PTH2R: variants seen among roughly 807,000 people sequenced by gnomAD.
PTH2R encodes the protein PTH2 receptor.
A neutral mutation model predicts 60.3 loss-of-function variants in PTH2R; 59 were observed. The ratio of observed to expected loss-of-function variants is 0.98; its 90% confidence interval spans 0.79 to 1.22. The LOEUF is 1.22. PTH2R is among the 50% of genes most tolerant of loss of function. The probability of loss-of-function intolerance (pLI) is 0.00; values close to 1 mark genes in which losing one functional copy is unlikely to be tolerated. For missense variants in PTH2R, 749 were observed against 682.6 expected, an observed-to-expected ratio of 1.10 and a Z score of -1.08; for synonymous variants, 256 against 243.8, an observed-to-expected ratio of 1.05 and a Z score of -0.47.
At chr2:208,377,450 G>C (rs1431579045) in intron 1 of PTH2R, among the ~76,000 whole-genome samples, 1 of 127,346 alleles carries the variant, frequency 7.9e-6, no homozygotes, top group Non-Finnish European at 1.8e-5. Context: ...AGGGGCGGCC[G>C]GGCAGAGGTG....
intron 8 of PTH2R, among the ~76,000 whole-genome samples, chr2:208,456,404 G>A (rs1702515723): frequency 6.6e-6 from 1 of 152,188 alleles, no homozygotes. Flanking sequence ...CTCATTCGAA[G>A]GAGATAAGAG....
chr2:208,362,835 T>C (rs879886398), intron 1 of PTH2R, among the ~76,000 whole-genome samples: 7 of 39,854 alleles, frequency 1.8e-4, no homozygotes, highest in Non-Finnish European at 4.7e-4. Flanking sequence ...CCAACACTTA[T>C]TAGTGTGTGT....
chr2:208,361,699 G>C (rs1202099719), intron 1 of PTH2R, among the ~76,000 whole-genome samples: 1 of 151,430 alleles, frequency 6.6e-6, no homozygotes, highest in Admixed American at 6.6e-5. Flanking sequence ...TTTCTTGCTT[G>C]GTTACATCAC....
Position 208,489,158 on chromosome 2 carries a change from G to A in PTH2R, c.1215+8G>A, listed in dbSNP as rs1285518253. 1.2e-6 allele frequency: 2 copies of A among 1,613,746 alleles called. No individual in the cohort carries two copies. The highest frequency in any genetic ancestry group is 2.2e-5 in the South Asian group (2 of 91,004). On this transcript the variant is annotated splice_region_variant and intron_variant, in intron 11 of 12. Transcript: ENST00000272847. ...TTCTTCAACTCCTTTCAGGTAAAGG[G>A]TGCTGCCTAGTCATCTGATTCTTGT...
intron 9 of PTH2R, among the ~76,000 whole-genome samples, chr2:208,461,158 C>A (rs1354876376): frequency 6.6e-6 from 1 of 152,130 alleles, no homozygotes; most frequent in African/African-American, 2.4e-5. Flanking sequence ...ATCCTATTAA[C>A]AAATTGGTCC....
chr2:208,415,839 A>T (rs1302642338), intron 1 of PTH2R, among the ~76,000 whole-genome samples: 1 of 152,240 alleles, frequency 6.6e-6, no homozygotes, highest in East Asian at 1.9e-4. Flanking sequence ...CTCATTTGTT[A>T]GCTAAGCGAG....
intron 10 of PTH2R, among the ~76,000 whole-genome samples, chr2:208,484,508 G>T (rs960214925): frequency 3.3e-5 from 5 of 152,112 alleles, no homozygotes; most frequent in African/African-American, 1.2e-4. Flanking sequence ...TCATCTATTA[G>T]ATTTAATAAG....
At position 208,443,551 on chromosome 2, in the gene PTH2R, C is replaced by A; in HGVS notation, c.699+14C>A. 1 of 1,577,410 alleles carries A rather than the reference C, an allele frequency of 6.3e-7. No homozygotes were observed. The highest frequency in any genetic ancestry group is 8.6e-7 in the Non-Finnish European group (1 of 1,161,630). Reference sequence around the variant, plus strand: ...AAATCACAATATGTAAGTGTTTTCACCATTTTCTCTCATTACTAATTTGTA... The same window carrying A: ...AAATCACAATATGTAAGTGTTTTCAACATTTTCTCTCATTACTAATTTGTA... On this transcript the variant is annotated intron_variant, in intron 6 of 12. Transcript: ENST00000272847.
intron 2 of PTH2R, among the ~76,000 whole-genome samples, chr2:208,435,067 T>C (rs1426553798): frequency 6.6e-6 from 1 of 152,258 alleles, no homozygotes; most frequent in East Asian, 1.9e-4. Context: ...TATTTGTTTC[T>C]GTGTGATATG....
intron 8 of PTH2R, among the ~76,000 whole-genome samples, chr2:208,457,033 G>A (rs1702529156): frequency 6.6e-6 from 1 of 152,112 alleles, no homozygotes; most frequent in African/African-American, 2.4e-5. Context: ...AATGTGTTAG[G>A]AGACACCATG....
intron 1 of PTH2R, among the ~76,000 whole-genome samples, chr2:208,415,029 T>A (rs1251697853): frequency 1.3e-5 from 2 of 152,060 alleles, no homozygotes; most frequent in Middle Eastern, 3.2e-3. Context: ...ACATGACAAC[T>A]AAACATGATA....
intron 2 of PTH2R, among the ~76,000 whole-genome samples, chr2:208,435,685 A>G (rs549354463): frequency 6.6e-6 from 1 of 152,284 alleles, no homozygotes; most frequent in South Asian, 2.1e-4. Flanking sequence ...TCTCCCAACC[A>G]CCCAAGTGAA....
At chr2:208,397,041 C>T (rs778238972) in intron 1 of PTH2R, among the ~76,000 whole-genome samples, 1 of 152,104 alleles carries the variant, frequency 6.6e-6, no homozygotes, top group Non-Finnish European at 1.5e-5. Context: ...TCATTCTCAG[C>T]AGACTGACCC....
At chr2:208,392,834 T>A (rs1237441841) in intron 1 of PTH2R, among the ~76,000 whole-genome samples, 1 of 152,180 alleles carries the variant, frequency 6.6e-6, no homozygotes. Flanking sequence ...AATGGCAGAC[T>A]GAGCCGCTGG....
At chr2:208,410,937 A>G (rs1433885612) in intron 1 of PTH2R, among the ~76,000 whole-genome samples, 2 of 152,150 alleles carry the variant, frequency 1.3e-5, no homozygotes, top group African/African-American at 4.8e-5. Flanking sequence ...TGTCAAAACT[A>G]TTACTGATGG....
At chr2:208,445,865 CAATT>C (rs1702279031) in intron 7 of PTH2R, among the ~76,000 whole-genome samples, 1 of 152,134 alleles carries the variant, frequency 6.6e-6, no homozygotes, top group Non-Finnish European at 1.5e-5. Flanking sequence ...ATAATCATCA[CAATT>C]AAAGTTGTAT....
chr2:208,465,549 C>A (rs1049657702), intron 9 of PTH2R, among the ~76,000 whole-genome samples: 3 of 148,308 alleles, frequency 2.0e-5, no homozygotes, highest in Admixed American at 1.3e-4. Flanking sequence ...ATTACAGGCA[C>A]GTGCCACCAT....
intron 10 of PTH2R, among the ~76,000 whole-genome samples, chr2:208,481,686 A>T (rs1703156591): frequency 1.3e-5 from 2 of 152,226 alleles, no homozygotes; most frequent in South Asian, 4.1e-4. Flanking sequence ...ATATTTTAAG[A>T]TCTGTTTTTA....
chr2:208,488,528 A>T (rs1455899781), intron 10 of PTH2R, among the ~76,000 whole-genome samples: 1 of 152,126 alleles, frequency 6.6e-6, no homozygotes, highest in Non-Finnish European at 1.5e-5. Flanking sequence ...AAGCAAGAGG[A>T]GTGGAAATAA....
Sources: allele counts gnomAD v4.1 joint callset (sites outside exome capture counted in the v4.1 genomes callset), GRCh38; gene constraint gnomAD v4.1.1; transcripts MANE v1.5; gene names NCBI Gene and HGNC (gene_info 2026-07-23, HGNC 2026-07-21).